ZNF407: variants seen among roughly 807,000 people sequenced by gnomAD.
ZNF407 encodes zinc finger protein 407.
In ZNF407, 17 loss-of-function variants were observed where a neutral mutation model predicts 131.2. That is an observed-to-expected ratio of 0.13 (90% confidence interval 0.09 to 0.19). The LOEUF is 0.19. Ranked by LOEUF, ZNF407 falls within the 10% of genes least tolerant of loss-of-function variation. The probability of loss-of-function intolerance (pLI) is 1.00; values close to 1 mark genes in which losing one functional copy is unlikely to be tolerated. For synonymous variants in ZNF407, 1,156 were observed against 1,062.0 expected (o/e 1.09, Z -1.72); for missense variants, 2,681 against 2,830.6 (o/e 0.95, Z 1.20).
At chr18:74,758,869 T>C (rs1969026326) in intron 3 of ZNF407, among the ~76,000 whole-genome samples, 1 of 152,186 alleles carries the variant, frequency 6.6e-6, no homozygotes, top group South Asian at 2.1e-4. Flanking sequence ...CATGAGTCAC[T>C]ATGCCTGGCC....
chr18:74,765,338 A>G (rs534032476), intron 3 of ZNF407, among the ~76,000 whole-genome samples: 2 of 151,886 alleles, frequency 1.3e-5, no homozygotes, highest in East Asian at 1.9e-4. Context: ...TAATTTTTTC[A>G]TTGAATTCTA....
intron 3 of ZNF407, among the ~76,000 whole-genome samples, chr18:74,647,052 A>G (rs942759505): frequency 6.6e-6 from 1 of 152,188 alleles, no homozygotes; most frequent in Non-Finnish European, 1.5e-5. Flanking sequence ...TTCTGTGTCT[A>G]AAGTCTTTTC....
intron 8 of ZNF407, among the ~76,000 whole-genome samples, chr18:74,926,159 C>T (rs914275228): frequency 6.6e-6 from 1 of 152,210 alleles, no homozygotes; most frequent in Non-Finnish European, 1.5e-5. Flanking sequence ...GAGCTGTCTG[C>T]CATAGCAGTA....
intron 8 of ZNF407, among the ~76,000 whole-genome samples, chr18:75,007,409 C>T (rs1972923837): frequency 6.6e-6 from 1 of 152,172 alleles, no homozygotes; most frequent in South Asian, 2.1e-4. Context: ...CCTTGTCACA[C>T]AACACAGGGC....
chr18:74,684,808 A>G (rs1049079015), intron 3 of ZNF407, among the ~76,000 whole-genome samples: 4 of 152,168 alleles, frequency 2.6e-5, no homozygotes, highest in Non-Finnish European at 4.4e-5. Context: ...TCCCTTTGGA[A>G]ACCATCTGAG....
intron 1 of ZNF407, among the ~76,000 whole-genome samples, chr18:74,622,998 GTC>G (rs1317768423): frequency 4.6e-5 from 7 of 151,556 alleles, no homozygotes; most frequent in African/African-American, 7.3e-5. Flanking sequence ...GAGTCCGTGT[GTC>G]TGTTAGTCTG....
chr18:74,675,601 C>CT (rs1222094680), intron 3 of ZNF407, among the ~76,000 whole-genome samples: 1 of 152,146 alleles, frequency 6.6e-6, no homozygotes, highest in Non-Finnish European at 1.5e-5. Flanking sequence ...AGCTTTCTGT[C>CT]TTTTCTGTGC....
At chr18:75,049,969 T>G (rs1364295489) in intron 8 of ZNF407, among the ~76,000 whole-genome samples, 1 of 152,210 alleles carries the variant, frequency 6.6e-6, no homozygotes, top group Non-Finnish European at 1.5e-5. Context: ...GGCTAGAACT[T>G]GGAAGTCATT....
chr18:74,907,730 G>C (rs1971615648), intron 7 of ZNF407, among the ~76,000 whole-genome samples: 1 of 152,124 alleles, frequency 6.6e-6, no homozygotes, highest in South Asian at 2.1e-4. Flanking sequence ...GTGTTTAGCT[G>C]TTCTAAAATT....
chr18:74,706,496 T>C (rs1236861039), intron 3 of ZNF407, among the ~76,000 whole-genome samples: 1 of 152,208 alleles, frequency 6.6e-6, no homozygotes, highest in Non-Finnish European at 1.5e-5. Flanking sequence ...CATTCGTTTG[T>C]TGTTCATTCA....
intron 4 of ZNF407, among the ~76,000 whole-genome samples, chr18:74,788,510 C>G (rs1175502257): frequency 6.6e-6 from 1 of 151,698 alleles, no homozygotes; most frequent in Admixed American, 6.6e-5. Context: ...AACAAGTACT[C>G]CCAAGGAAAG....
chr18:74,993,909 T>C (rs916365182), intron 8 of ZNF407, among the ~76,000 whole-genome samples: 4 of 152,228 alleles, frequency 2.6e-5, no homozygotes, highest in African/African-American at 9.6e-5. Context: ...TGTATTTTAA[T>C]AAGTGACTGA....
intron 3 of ZNF407, among the ~76,000 whole-genome samples, chr18:74,744,015 T>C (rs1480350303): frequency 1.3e-5 from 2 of 152,204 alleles, no homozygotes; most frequent in African/African-American, 4.8e-5. Flanking sequence ...TTCATTGTTC[T>C]CATGGGACCT....
At chr18:74,772,341 A>T (rs908410222) in intron 3 of ZNF407, among the ~76,000 whole-genome samples, 1 of 152,176 alleles carries the variant, frequency 6.6e-6, no homozygotes, top group Non-Finnish European at 1.5e-5. Context: ...CCTATAAATC[A>T]TCTAAATCTA....
intron 1 of ZNF407, among the ~76,000 whole-genome samples, chr18:74,601,119 C>T (rs992226787): frequency 6.6e-6 from 1 of 152,092 alleles, no homozygotes; most frequent in African/African-American, 2.4e-5. Context: ...ACTGATGTGT[C>T]TGCTTCGGGT....
In ZNF407 at chr18:74,633,740, A is replaced by G; in HGVS notation, c.2721A>G (p.Val907=). The G allele has an allele frequency of 6.2e-7, 1 of 1,614,004 alleles. No homozygotes were observed. The highest frequency in any genetic ancestry group is 1.6e-4 in the Middle Eastern group (1 of 6,062). ...CCACCAAGAAACATAAAGGACGGGT[A>G]GAAATAGAAGCAAGTGGAAAACACA... ...HCATKKHKGR[V]EIEASGKHSS... The change falls in exon 2 of 9, where the codon GTA becomes GTG. Residue 907 remains valine, a synonymous_variant. Transcript: ENST00000299687.
chr18:74,783,552 G>GTT (rs1332897592), intron 4 of ZNF407, among the ~76,000 whole-genome samples: 1 of 142,754 alleles, frequency 7.0e-6, no homozygotes, highest in African/African-American at 2.6e-5. Context: ...AAAATTTACT[G>GTT]TTTTTTTTTT....
At chr18:74,637,582 C>T (rs1316985929) in intron 2 of ZNF407, among the ~76,000 whole-genome samples, 2 of 151,772 alleles carry the variant, frequency 1.3e-5, no homozygotes, top group Non-Finnish European at 2.9e-5. Context: ...GAGCCCTGTT[C>T]CTGAGGACAC....
At chr18:74,958,904 C>A (rs919921747) in intron 8 of ZNF407, among the ~76,000 whole-genome samples, 4 of 152,148 alleles carry the variant, frequency 2.6e-5, no homozygotes, top group Non-Finnish European at 5.9e-5. Flanking sequence ...AAAACTCTTT[C>A]AATAATTGCA....
Sources: allele counts gnomAD v4.1 joint callset (sites outside exome capture counted in the v4.1 genomes callset), GRCh38; gene constraint gnomAD v4.1.1; transcripts MANE v1.5; gene names NCBI Gene and HGNC (gene_info 2026-07-23, HGNC 2026-07-21).